The following LRBA variants were observed in gnomAD, a reference collection of about 807,000 sequenced individuals.
LRBA encodes the protein lipopolysaccharide-responsive and beige-like anchor protein.
A neutral mutation model predicts 330.0 loss-of-function variants in LRBA; 176 were observed. The observed-to-expected ratio is 0.53, with a 90% CI of 0.47 to 0.60. The LOEUF (loss-of-function observed/expected upper bound fraction) is 0.60, where lower values mean the gene tolerates loss of function less well. LRBA is among the 20% of genes least tolerant of loss of function. The probability of loss-of-function intolerance (pLI) is 0.00; values close to 1 mark genes in which losing one functional copy is unlikely to be tolerated. For missense variants in LRBA, 3,259 were observed against 3,444.8 expected (o/e 0.95, Z 1.35); for synonymous variants, 1,230 against 1,193.0 (o/e 1.03, Z -0.64).
rs564295749 is a variant in LRBA, at chr4:150,489,321, A to T, written c.6449-1487T>A. 6.8e-3 allele frequency among the ~76,000 whole-genome samples: 139 copies of T among 20,468 alleles called. 4 individuals are homozygous for T. The highest frequency in any genetic ancestry group is 0.012 in the Non-Finnish European group (121 of 10,268). The allele number at this position is 20,468 out of a possible 152,430, so 13.4% of individuals were successfully genotyped here. On this transcript the variant is annotated intron_variant, in intron 41 of 56. Coordinates refer to ENST00000651943, the MANE Select transcript of LRBA (RefSeq NM_001364905.1). ...AATATATTATATATAAGAATATATA[A>T]AATATATTACATATAAGAATATAAA...
chr4:150,971,286 T>G (rs1175627592), intron 2 of LRBA, among the ~76,000 whole-genome samples: 1 of 152,132 alleles, frequency 6.6e-6, no homozygotes, highest in Non-Finnish European at 1.5e-5. Context: ...TGAATCATGG[T>G]GCCCAATTTC....
chr4:150,548,279 T>C (rs1766091738), intron 40 of LRBA, among the ~76,000 whole-genome samples: 1 of 152,206 alleles, frequency 6.6e-6, no homozygotes, highest in Non-Finnish European at 1.5e-5. Flanking sequence ...TAGGCTGTAG[T>C]ACTTTTGTCT....
chr4:150,556,595 C>T (rs566239589), intron 40 of LRBA, among the ~76,000 whole-genome samples: 1 of 152,336 alleles, frequency 6.6e-6, no homozygotes, highest in East Asian at 1.9e-4. Context: ...TACTTAAAAG[C>T]TCATTGATTG....
At chr4:150,861,379 G>T (rs1045882289) in intron 22 of LRBA, among the ~76,000 whole-genome samples, 1 of 151,812 alleles carries the variant, frequency 6.6e-6, no homozygotes, top group Non-Finnish European at 1.5e-5. Context: ...TTCAGACTTG[G>T]CCTCCCAAAG....
At chr4:150,877,203 A>C (rs1754139821) in intron 17 of LRBA, among the ~76,000 whole-genome samples, 1 of 151,382 alleles carries the variant, frequency 6.6e-6, no homozygotes, top group Admixed American at 6.6e-5. Context: ...GCTTGCAGTG[A>C]GCAGAGATCG....
chr4:150,295,319 C>T (rs1728845884), intron 53 of LRBA, among the ~76,000 whole-genome samples: 1 of 150,982 alleles, frequency 6.6e-6, no homozygotes, highest in South Asian at 2.1e-4. Context: ...CCTCCCACTT[C>T]AGCCTCCTGA....
rs1467203289 is a variant in LRBA at position 150,719,857 on chromosome 4, A to G, written c.5754+15401T>C. Among the ~76,000 whole-genome samples, 5 of 152,220 alleles carry G rather than the reference A, an allele frequency of 3.3e-5. No homozygotes were observed. The South Asian group carries it at 6.2e-4, about 19-fold the overall frequency. On this transcript the variant is annotated intron_variant, in intron 36 of 56. Transcript: ENST00000651943. ...CTAAAACAGAAGTAAACTCGACTCT[A>G]CTCTCTTAAATGACTGAGGGAAATG...
chr4:150,603,665 A>G (rs1055939610), intron 37 of LRBA, among the ~76,000 whole-genome samples: 2 of 152,008 alleles, frequency 1.3e-5, no homozygotes, highest in Non-Finnish European at 2.9e-5. Context: ...TAATCTGGCT[A>G]ATTTTTTTTA....
chr4:150,724,903 T>TATATATATGTATATATAC (rs1238108889), intron 36 of LRBA, among the ~76,000 whole-genome samples: 6 of 145,500 alleles, frequency 4.1e-5, no homozygotes, highest in African/African-American at 1.5e-4. Context: ...TGTATATATA[T>TATATATATGTATATATAC]ACACACACAC....
chr4:150,355,925 G>A (rs1737782077), intron 47 of LRBA, among the ~76,000 whole-genome samples: 1 of 151,912 alleles, frequency 6.6e-6, no homozygotes, highest in East Asian at 1.9e-4. Flanking sequence ...CATGTAATAC[G>A]GCCTTCTTCC....
In LRBA at chr4:150,963,252, A is replaced by C. The variant is rs552137631; in HGVS notation, c.217-34187T>G. 3.4e-5 allele frequency among the ~76,000 whole-genome samples: 5 copies of C among 148,106 alleles called. 1 individual carries two copies. Among genetic ancestry groups the C allele is most frequent in the African/African-American group, 1.3e-4 (5 of 37,862 alleles). Reference sequence around the variant, plus strand: ...TGATGCCGAGCCGAGGCTGGACTGTACTGCTGCCATCTTGGCTCACTGCAG... The same window carrying C: ...TGATGCCGAGCCGAGGCTGGACTGTCCTGCTGCCATCTTGGCTCACTGCAG... On this transcript the variant is annotated intron_variant, in intron 2 of 56. Coordinates refer to ENST00000651943, the MANE Select transcript of LRBA (RefSeq NM_001364905.1).
chr4:150,811,094 G>T (rs745338410), intron 31 of LRBA, among the ~76,000 whole-genome samples: 1 of 152,098 alleles, frequency 6.6e-6, no homozygotes, highest in Non-Finnish European at 1.5e-5. Flanking sequence ...ACAACACTCA[G>T]TAAAGTACTT....
chr4:150,910,959 ATTGT>A (rs1401090487), intron 9 of LRBA, among the ~76,000 whole-genome samples: 2 of 152,148 alleles, frequency 1.3e-5, no homozygotes, highest in East Asian at 1.9e-4. Flanking sequence ...TGTAAAAGAA[ATTGT>A]TTGCGTAATT....
intron 40 of LRBA, among the ~76,000 whole-genome samples, chr4:150,568,001 G>A (rs1769352728): frequency 6.6e-6 from 1 of 151,998 alleles, no homozygotes; most frequent in Non-Finnish European, 1.5e-5. Flanking sequence ...GGTAACTGAA[G>A]CATCAGTTCA....
chr4:150,747,823 C>T (rs771897316), intron 35 of LRBA, among the ~76,000 whole-genome samples: 5 of 152,156 alleles, frequency 3.3e-5, no homozygotes, highest in Non-Finnish European at 7.3e-5. Flanking sequence ...ATTATTTCAT[C>T]CAGTTCTATG....
rs368776139 is a variant in LRBA at position 150,710,144 on chromosome 4, G to C, written c.5754+25114C>G. Among the ~76,000 whole-genome samples, 11 of 152,176 alleles carry C rather than the reference G, an allele frequency of 7.2e-5. No homozygotes were observed. In the East Asian group the frequency reaches 1.5e-3, roughly 21 times the overall value. Reference sequence around the variant, plus strand: ...AAATGTTTTGAACTATAGATGTGATGGTTAAGATAACAAAACACAGTATTG... The same window carrying C: ...AAATGTTTTGAACTATAGATGTGATCGTTAAGATAACAAAACACAGTATTG... On this transcript the variant is annotated intron_variant, in intron 36 of 56. Transcript: ENST00000651943.
At chr4:150,410,440 T>C (rs759967624) in intron 47 of LRBA, among the ~76,000 whole-genome samples, 1 of 152,188 alleles carries the variant, frequency 6.6e-6, no homozygotes, top group Non-Finnish European at 1.5e-5. Flanking sequence ...AGATAGTATA[T>C]TCATTTTATT....
chr4:150,356,178 C>T (rs1404973576), intron 47 of LRBA, among the ~76,000 whole-genome samples: 1 of 151,976 alleles, frequency 6.6e-6, no homozygotes, highest in Non-Finnish European at 1.5e-5. Context: ...CAACTTTGTT[C>T]CAATCAAAAT....
intron 36 of LRBA, among the ~76,000 whole-genome samples, chr4:150,724,919 CACAT>C (rs1729472122): frequency 6.7e-6 from 1 of 149,026 alleles, no homozygotes; most frequent in South Asian, 2.1e-4. Context: ...CACACACACA[CACAT>C]ACATATAGCA....
Sources: allele counts gnomAD v4.1 joint callset (sites outside exome capture counted in the v4.1 genomes callset), GRCh38; gene constraint gnomAD v4.1.1; transcripts MANE v1.5; gene names NCBI Gene and HGNC (gene_info 2026-07-23, HGNC 2026-07-21).